DGKH: variants seen among roughly 807,000 people sequenced by gnomAD.
The protein encoded by DGKH is diacylglycerol kinase eta.
A neutral mutation model predicts 159.3 loss-of-function variants in DGKH; 90 were observed. That is an observed-to-expected ratio of 0.57 (90% confidence interval 0.48 to 0.67). DGKH has a LOEUF of 0.67. DGKH is among the 30% of genes least tolerant of loss of function. The pLI, the probability that DGKH is intolerant of heterozygous loss-of-function variation, is 0.00. For missense variants in DGKH, 1,181 were observed against 1,506.1 expected, an observed-to-expected ratio of 0.78 and a Z score of 3.57; for synonymous variants, 536 against 553.8, an observed-to-expected ratio of 0.97 and a Z score of 0.45.
intron 1 of DGKH, among the ~76,000 whole-genome samples, chr13:42,111,479 T>C (rs945720796): frequency 6.6e-6 from 1 of 151,984 alleles, no homozygotes; most frequent in African/African-American, 2.4e-5. Context: ...ACTTGGGAGG[T>C]TGAGGTGCGA....
chr13:42,184,874 TG>T (rs749448104), intron 13 of DGKH, among the ~76,000 whole-genome samples: 1 of 65,600 alleles, frequency 1.5e-5, no homozygotes, highest in South Asian at 4.0e-4. Context: ...TCTCTAAAAA[TG>T]TTTTTTTTTT....
rs368082267 is a variant in DGKH, at chr13:42,159,386, C to G, written c.729+14C>G. ...GATGAAGATGGCGTAAGCTGCTGCT[C>G]TGTCTCTGCTCTCTTCCCACTAACT... On this transcript the variant is annotated intron_variant, in intron 6 of 29. Transcript: ENST00000337343. The G allele has an allele frequency of 2.6e-6, 4 of 1,547,318 alleles. No individual in the cohort carries two copies. The African/African-American group carries it at 5.4e-5, about 21-fold the overall frequency.
intron 1 of DGKH, chr13:42,070,811 C>T (rs1303795418): frequency 6.9e-7 from 1 of 1,440,346 alleles, no homozygotes; most frequent in Non-Finnish European, 9.7e-7. Flanking sequence ...AGAGAGCCCA[C>T]ATCATCTGTT....
At chr13:42,070,568 G>C in intron 1 of DGKH, 4 of 1,543,278 alleles carry the variant, frequency 2.6e-6, no homozygotes, top group Non-Finnish European at 3.6e-6. Flanking sequence ...TCCATGATCC[G>C]TGCAAGACCA....
intron 20 of DGKH, among the ~76,000 whole-genome samples, chr13:42,205,719 A>G (rs1289225525): frequency 6.6e-6 from 1 of 152,168 alleles, no homozygotes; most frequent in Non-Finnish European, 1.5e-5. Flanking sequence ...ATAAGTACAT[A>G]GAGGACCACA....
chr13:42,040,510 G>C (rs1593935510), intron 1 of DGKH, among the ~76,000 whole-genome samples: 3 of 151,750 alleles, frequency 2.0e-5, no homozygotes, highest in African/African-American at 7.3e-5. Context: ...CGGCGGGGGG[G>C]AGGGGCGGGT....
At chr13:42,076,107 G>A (rs1398471807) in intron 1 of DGKH, among the ~76,000 whole-genome samples, 1 of 151,908 alleles carries the variant, frequency 6.6e-6, no homozygotes, top group African/African-American at 2.4e-5. Flanking sequence ...AGTGTATTTT[G>A]TAAATAAATT....
At chr13:42,133,081 G>A (rs1955323786) in intron 3 of DGKH, among the ~76,000 whole-genome samples, 1 of 151,218 alleles carries the variant, frequency 6.6e-6, no homozygotes, top group Admixed American at 6.6e-5. Flanking sequence ...TGAGGCAGGA[G>A]AATCGCTTGA....
At position 42,094,185 on chromosome 13, in the gene DGKH, G is replaced by A. The variant is rs185173783; in HGVS notation, c.193-33278G>A. 2.9e-3 allele frequency among the ~76,000 whole-genome samples: 437 copies of A among 151,652 alleles called. 2 individuals are homozygous for A. The highest frequency in any genetic ancestry group is 0.01 in the African/African-American group (425 of 41,284). ...CTAATGTTAAATGATGAGTTAATGGGTGCAGCACACCGACATGGCACATGT... is the reference window on the plus strand; with the variant it reads ...CTAATGTTAAATGATGAGTTAATGGATGCAGCACACCGACATGGCACATGT... On this transcript the variant is annotated intron_variant, in intron 1 of 29. Coordinates refer to ENST00000337343, the MANE Select transcript of DGKH (RefSeq NM_178009.5).
chr13:42,239,467 A>G lies in DGKH; in HGVS notation c.*10279A>G, dbSNP rs907028616. 3.3e-5 allele frequency: 5 copies of G among 152,734 alleles called. No individual in the cohort carries two copies. The highest frequency in any genetic ancestry group is 3.9e-4 in the East Asian group (2 of 5,180). 9.5% of individuals were successfully genotyped at this position (152,734 alleles called of 1,614,324 possible). ...TTTTGTAAGCAAAAGCATTTTCTGC[A>G]TCAATTTTTTTCAGTATGCAGTTGC... On this transcript the variant is annotated 3_prime_UTR_variant, in exon 30 of 30. Transcript: ENST00000337343.
chr13:42,141,213 C>CATGT, intron 3 of DGKH, among the ~76,000 whole-genome samples: 1 of 151,482 alleles, frequency 6.6e-6, no homozygotes, highest in Non-Finnish European at 1.5e-5. Context: ...TCATCCATGT[C>CATGT]CCTACAAAGG....
intron 3 of DGKH, among the ~76,000 whole-genome samples, chr13:42,132,467 G>A (rs1049635030): frequency 6.6e-6 from 1 of 152,250 alleles, no homozygotes; most frequent in Non-Finnish European, 1.5e-5. Flanking sequence ...AATTTCTGGT[G>A]AAGACAAGGT....
At chr13:42,179,807 G>C (rs1199896061) in intron 13 of DGKH, among the ~76,000 whole-genome samples, 1 of 150,034 alleles carries the variant, frequency 6.7e-6, no homozygotes, top group Non-Finnish European at 1.5e-5. Context: ...GATTTTATTA[G>C]AGAAAAGGTT....
chr13:42,152,836 C>T (rs963909081), intron 3 of DGKH, among the ~76,000 whole-genome samples: 2 of 141,380 alleles, frequency 1.4e-5, no homozygotes, highest in Admixed American at 1.4e-4. Flanking sequence ...TGGCTTGTTT[C>T]GCTGGGCCGA....
chr13:42,157,524 ACGCCTGTAAT>A (rs1279885896), intron 5 of DGKH, among the ~76,000 whole-genome samples: 2 of 152,186 alleles, frequency 1.3e-5, no homozygotes, highest in Admixed American at 6.5e-5. Context: ...ACGGTGGCTC[ACGCCTGTAAT>A]CCCAGCACTT....
At chr13:42,194,801 A>G in intron 16 of DGKH, 84 bp from the exon 17 acceptor site, 1 of 1,435,790 alleles carries the variant, frequency 7.0e-7, no homozygotes, top group Middle Eastern at 1.8e-4. Context: ...TTTAAACATT[A>G]TTTTATGTTT....
At chr13:42,209,533 A>G (rs1957586330) in intron 23 of DGKH, 68 bp downstream of exon 23, 1 of 1,444,436 alleles carries the variant, frequency 6.9e-7, no homozygotes, top group Non-Finnish European at 9.2e-7. Context: ...GTTATAAAAA[A>G]ATAGAAAATG....
chr13:42,202,813 T>C (rs1594199338), intron 20 of DGKH, among the ~76,000 whole-genome samples: 1 of 152,338 alleles, frequency 6.6e-6, no homozygotes, highest in South Asian at 2.1e-4. Flanking sequence ...AATGGAAGAA[T>C]TGTATTAAAA....
intron 1 of DGKH, among the ~76,000 whole-genome samples, chr13:42,061,802 T>C (rs1289347951): frequency 1.3e-5 from 2 of 152,216 alleles, no homozygotes; most frequent in Admixed American, 1.3e-4. Flanking sequence ...TTTTATTGAG[T>C]TCTATTCTAG....
Sources: allele counts gnomAD v4.1 joint callset (sites outside exome capture counted in the v4.1 genomes callset), GRCh38; gene constraint gnomAD v4.1.1; transcripts MANE v1.5; gene names NCBI Gene and HGNC (gene_info 2026-07-23, HGNC 2026-07-21).